The following RALYL variants were observed in gnomAD, a reference collection of about 807,000 sequenced individuals.
RALYL encodes the protein RNA-binding Raly-like protein.
A neutral mutation model predicts 35.1 loss-of-function variants in RALYL; 29 were observed. The ratio of observed to expected loss-of-function variants is 0.83; its 90% confidence interval spans 0.61 to 1.13. The LOEUF (loss-of-function observed/expected upper bound fraction) is 1.13, where lower values mean the gene tolerates loss of function less well. Ranked by LOEUF, RALYL falls within the 50% of genes most tolerant of loss-of-function variation. The probability of loss-of-function intolerance (pLI) is 0.00; values close to 1 mark genes in which losing one functional copy is unlikely to be tolerated. For missense variants in RALYL, 359 were observed against 360.4 expected (o/e 1.00, Z 0.03); for synonymous variants, 120 against 127.6 (o/e 0.94, Z 0.40).
chr8:84,290,035 A>G (rs1838451084), intron 1 of RALYL, among the ~76,000 whole-genome samples: 1 of 152,198 alleles, frequency 6.6e-6, no homozygotes. Flanking sequence ...TCTTAGTTTA[A>G]TAAAATATTA....
At chr8:84,233,160 T>TTA (rs1563577691) in intron 1 of RALYL, among the ~76,000 whole-genome samples, 1 of 152,040 alleles carries the variant, frequency 6.6e-6, no homozygotes, top group Non-Finnish European at 1.5e-5. Context: ...TTTTTATTGT[T>TTA]TTTTTGTAGA....
intron 2 of RALYL, among the ~76,000 whole-genome samples, chr8:84,754,483 C>T (rs16913203): frequency 0.013 from 2,008 of 152,284 alleles, 48 homozygotes; most frequent in African/African-American, 0.046. Context: ...CCTTTCACTT[C>T]TCCAGGTAGC....
intron 2 of RALYL, among the ~76,000 whole-genome samples, chr8:84,575,923 T>C (rs1809292427): frequency 6.9e-6 from 1 of 145,394 alleles, no homozygotes; most frequent in Non-Finnish European, 1.5e-5. Flanking sequence ...GCCCAGGAGT[T>C]AGAGACCAGG....
At chr8:84,240,186 A>G (rs1240071461) in intron 1 of RALYL, among the ~76,000 whole-genome samples, 1 of 152,246 alleles carries the variant, frequency 6.6e-6, no homozygotes, top group African/African-American at 2.4e-5. Context: ...AACTTCCCAC[A>G]GTCTGTACAT....
chr8:84,391,102 T>G (rs757474399), intron 1 of RALYL, among the ~76,000 whole-genome samples: 5 of 152,066 alleles, frequency 3.3e-5, no homozygotes, highest in Middle Eastern at 3.4e-3. Context: ...ACTTAACATA[T>G]GGGAGCACTT....
chr8:84,536,157 T>G (rs963696510), intron 2 of RALYL, among the ~76,000 whole-genome samples: 4 of 152,168 alleles, frequency 2.6e-5, no homozygotes, highest in Non-Finnish European at 5.9e-5. Context: ...ACATCTTTAA[T>G]ACACTGACTT....
At chr8:84,404,112 A>T (rs1179099954) in intron 1 of RALYL, among the ~76,000 whole-genome samples, 2 of 152,128 alleles carry the variant, frequency 1.3e-5, no homozygotes, top group Admixed American at 6.6e-5. Flanking sequence ...CAAACATGTC[A>T]TCTCCAAACA....
At chr8:84,462,226 T>C (rs1447895568) in intron 1 of RALYL, among the ~76,000 whole-genome samples, 1 of 151,734 alleles carries the variant, frequency 6.6e-6, no homozygotes, top group Non-Finnish European at 1.5e-5. Context: ...TGCTTATTTG[T>C]CATCTGTTTA....
intron 1 of RALYL, among the ~76,000 whole-genome samples, chr8:84,324,937 C>T (rs1845540782): frequency 6.6e-6 from 1 of 152,078 alleles, no homozygotes; most frequent in Non-Finnish European, 1.5e-5. Flanking sequence ...TACTCTATAC[C>T]TCCCACACTG....
chr8:84,658,003 T>A (rs1830261918), intron 2 of RALYL, among the ~76,000 whole-genome samples: 1 of 152,248 alleles, frequency 6.6e-6, no homozygotes, highest in Non-Finnish European at 1.5e-5. Context: ...GCTTGGAAGT[T>A]GAGTTCCCAG....
chr8:84,184,923 G>T, intron 1 of RALYL: 1 of 1,576,302 alleles, frequency 6.3e-7, no homozygotes, highest in East Asian at 2.2e-5. Context: ...CACGCGAGCC[G>T]GAGCTGGAGA....
At chr8:84,568,082 G>A (rs1201465501) in intron 2 of RALYL, among the ~76,000 whole-genome samples, 1 of 151,284 alleles carries the variant, frequency 6.6e-6, no homozygotes, top group Admixed American at 6.6e-5. Context: ...AGGTTATAGG[G>A]TACATGTGCA....
intron 2 of RALYL, among the ~76,000 whole-genome samples, chr8:84,576,923 T>G (rs1809581922): frequency 6.6e-6 from 1 of 152,236 alleles, no homozygotes; most frequent in Non-Finnish European, 1.5e-5. Context: ...TGTTGGTTAT[T>G]GACAGAACTC....
chr8:84,864,768 G>A (rs1838840096), intron 6 of RALYL: 2 of 605,894 alleles, frequency 3.3e-6, no homozygotes, highest in Non-Finnish European at 6.3e-6. Flanking sequence ...GAAAACAGGG[G>A]CCCCTGGGCC....
chr8:84,668,127 C>T (rs1478303656), intron 2 of RALYL, among the ~76,000 whole-genome samples: 1 of 152,126 alleles, frequency 6.6e-6, no homozygotes, highest in Non-Finnish European at 1.5e-5. Flanking sequence ...TAAATTACCA[C>T]TTCATTTCAT....
intron 6 of RALYL, chr8:84,864,697 T>C (rs1266439194): frequency 1.9e-6 from 1 of 519,624 alleles, no homozygotes; most frequent in South Asian, 1.9e-5. Context: ...CCATAGGCTA[T>C]AGGTGCAACC....
chr8:84,884,592 G>C (rs942952391), intron 7 of RALYL, among the ~76,000 whole-genome samples: 2 of 151,814 alleles, frequency 1.3e-5, no homozygotes, highest in Non-Finnish European at 2.9e-5. Flanking sequence ...CAAAAAGTAA[G>C]AGTTCTCAAA....
intron 1 of RALYL, among the ~76,000 whole-genome samples, chr8:84,394,018 C>G (rs1275572302): frequency 6.6e-6 from 1 of 152,074 alleles, no homozygotes; most frequent in African/African-American, 2.4e-5. Context: ...ACCATATCCA[C>G]TTTAAAATCC....
chr8:84,646,752 A>G (rs1827586799), intron 2 of RALYL, among the ~76,000 whole-genome samples: 4 of 151,816 alleles, frequency 2.6e-5, no homozygotes, highest in African/African-American at 9.7e-5. Flanking sequence ...TTCCAACTTC[A>G]TACATCTGAC....
Sources: gnomAD v4.1 joint callset for allele counts (sites outside exome capture counted in the v4.1 genomes callset) on GRCh38, gnomAD v4.1.1 for gene constraint, MANE v1.5 for transcripts, NCBI Gene and HGNC (gene_info 2026-07-23, HGNC 2026-07-21) for gene names.